EFCAB13: variants seen among roughly 807,000 people sequenced by gnomAD.
The protein encoded by EFCAB13 is EF-hand calcium-binding domain-containing protein 13.
In EFCAB13, 91 loss-of-function variants were observed where a neutral mutation model predicts 110.2. That is an observed-to-expected ratio of 0.83 (90% confidence interval 0.70 to 0.98). The LOEUF (loss-of-function observed/expected upper bound fraction) is 0.98, where lower values mean the gene tolerates loss of function less well. Among genes scored for constraint, EFCAB13 ranks in the 50% least tolerant of loss-of-function variants. The probability of loss-of-function intolerance (pLI) is 0.00; values close to 1 mark genes in which losing one functional copy is unlikely to be tolerated. For missense variants in EFCAB13, 968 were observed against 1,119.4 expected, an observed-to-expected ratio of 0.86 and a Z score of 1.93; for synonymous variants, 323 against 369.9, an observed-to-expected ratio of 0.87 and a Z score of 1.45.
intron 7 of EFCAB13, 101 bp from the exon 8 acceptor site, chr17:47,344,915 G>T: frequency 1.2e-6 from 1 of 847,908 alleles, no homozygotes; most frequent in South Asian, 1.5e-5. Flanking sequence ...CTTCAAGAAA[G>T]GTTCTTATGA....
rs975469722 is a variant in EFCAB13, at chr17:47,380,875, T to C, written c.1582+1622T>C. Among the ~76,000 whole-genome samples the C allele has an allele frequency of 3.3e-4, 48 of 147,144 alleles. No individual in the cohort carries two copies. The Admixed American group carries it at 3.3e-3, about 10-fold the overall frequency. On this transcript the variant is annotated intron_variant, in intron 14 of 24. Coordinates refer to ENST00000331493, the MANE Select transcript of EFCAB13 (RefSeq NM_152347.5). The stretch of plus-strand genomic sequence containing the variant: ...CATCTTTGTTGGCCGCATAAATTGC[T>C]TCTTCTTTTTTTTTTTTTTTTTTTT...
intron 20 of EFCAB13, among the ~76,000 whole-genome samples, chr17:47,409,151 G>A (rs2065820643): frequency 1.3e-5 from 2 of 152,094 alleles, no homozygotes; most frequent in African/African-American, 2.4e-5. Context: ...TTGTTCCTCA[G>A]ATCTCTACAC....
intron 20 of EFCAB13, among the ~76,000 whole-genome samples, chr17:47,407,153 G>T (rs1180734190): frequency 6.6e-6 from 1 of 152,084 alleles, no homozygotes; most frequent in South Asian, 2.1e-4. Context: ...AGGAATGAAG[G>T]GGACTTTACT....
intron 17 of EFCAB13, among the ~76,000 whole-genome samples, chr17:47,398,402 G>A (rs1211118134): frequency 8.1e-5 from 12 of 147,670 alleles, no homozygotes; most frequent in Admixed American, 1.3e-4. Context: ...TGACAATGGC[G>A]GTTTTGTGGA....
chr17:47,338,312 T>C (rs2065363285), intron 5 of EFCAB13, among the ~76,000 whole-genome samples: 1 of 151,248 alleles, frequency 6.6e-6, no homozygotes, highest in African/African-American at 2.4e-5. Flanking sequence ...TGCAGTGGCA[T>C]GATCGTAGCT....
chr17:47,389,140 C>T (rs969012018), intron 14 of EFCAB13, among the ~76,000 whole-genome samples: 7 of 152,154 alleles, frequency 4.6e-5, no homozygotes, highest in African/African-American at 7.2e-5. Context: ...TCAAATAATC[C>T]TTCCACCTCA....
intron 10 of EFCAB13, among the ~76,000 whole-genome samples, chr17:47,370,220 A>T (rs1233374337): frequency 6.6e-6 from 1 of 152,146 alleles, no homozygotes; most frequent in African/African-American, 2.4e-5. Flanking sequence ...TTTGATGAAA[A>T]ACTCTTTTAT....
intron 3 of EFCAB13, among the ~76,000 whole-genome samples, chr17:47,326,671 A>G (rs1324900495): frequency 6.6e-6 from 1 of 151,862 alleles, no homozygotes; most frequent in African/African-American, 2.4e-5. Context: ...TGAAGGCAGT[A>G]AGTGCTATGC....
chr17:47,393,453 A>G (rs896772403), intron 15 of EFCAB13, among the ~76,000 whole-genome samples: 5 of 152,314 alleles, frequency 3.3e-5, no homozygotes, highest in African/African-American at 1.2e-4. Context: ...TCTTAATGGC[A>G]AAAAAGGAGA....
rs368002669 is a variant in EFCAB13, at chr17:47,414,871, G to T, written c.2446G>T (p.Asp816Tyr). ...AGATAATATGGAGGTGGATTTAAAA[G>T]ATTTCTTAATGAAAATGAAAGAAAG... ...VSDNMEVDLK[D>Y]FLMKMKESPH... is the part of the protein sequence containing the mutation. Residue 816 changes from aspartate (D) to tyrosine (Y), a missense_variant, in exon 23 of 25, where the codon GAT (aspartate) becomes TAT (tyrosine). Asp to Tyr is a radical substitution (Grantham distance 160, BLOSUM62 -3). Coordinates refer to ENST00000331493, the MANE Select transcript of EFCAB13 (RefSeq NM_152347.5). 2.2e-5 allele frequency: 35 copies of T among 1,607,378 alleles called. No individual in the cohort carries two copies. The African/African-American group carries it at 3.6e-4, about 17-fold the overall frequency.
In EFCAB13 at chr17:47,412,803, A is replaced by G; in HGVS notation, c.2309A>G (p.His770Arg). Residue 770 changes from histidine to arginine, a missense_variant, in exon 22 of 25, where the codon CAT becomes CGT. Physicochemically the swap from His to Arg is conservative, Grantham distance 29. Coordinates refer to ENST00000331493, the MANE Select transcript of EFCAB13 (RefSeq NM_152347.5). ...EIKEAANILSHVDNGKIGIPD... is the reference protein window; with the variant it reads ...EIKEAANILSRVDNGKIGIPD... ...AAAGAAGCTGCTAACATCTTGTCAC[A>G]TGTCGATAATGGCAAGATTGGTATA... 6 of 1,613,692 alleles carry G rather than the reference A, an allele frequency of 3.7e-6. No individual in the cohort carries two copies. Among genetic ancestry groups the G allele is most frequent in the Non-Finnish European group, 5.1e-6 (6 of 1,179,804 alleles).
rs536593341 is a variant in EFCAB13, at chr17:47,374,934, C to T, written c.1340C>T (p.Ser447Leu). 30 of 1,583,794 alleles carry T rather than the reference C, an allele frequency of 1.9e-5. No individual in the cohort carries two copies. In the African/African-American group the frequency reaches 2.1e-4, roughly 11 times the overall value. The change falls in exon 12 of 25, where the codon TCG becomes TTG. Residue 447 changes from serine to leucine, a missense_variant. By Grantham distance (145) the Ser-to-Leu change is moderately radical (BLOSUM62 -2). Coordinates refer to ENST00000331493, the MANE Select transcript of EFCAB13 (RefSeq NM_152347.5). ...RKHSSLQKQV[S>L]STEKTAISTL... Reference sequence around the variant, plus strand: ...CATTCCAGTCTCCAAAAACAGGTTTCGTCTACGGAAAAAACTGCAATTAGT... The same window carrying T: ...CATTCCAGTCTCCAAAAACAGGTTTTGTCTACGGAAAAAACTGCAATTAGT...
chr17:47,381,388 T>C (rs1302737315), intron 14 of EFCAB13, among the ~76,000 whole-genome samples: 4 of 152,218 alleles, frequency 2.6e-5, no homozygotes, highest in Non-Finnish European at 5.9e-5. Context: ...TGGCTTTTGT[T>C]GCCATTGCTT....
chr17:47,385,703 A>G (rs1264260341), intron 14 of EFCAB13, among the ~76,000 whole-genome samples: 2 of 152,064 alleles, frequency 1.3e-5, no homozygotes, highest in Admixed American at 6.6e-5. Flanking sequence ...AGGAGTTGCA[A>G]TCATTTGGAG....
At chr17:47,413,518 AC>A (rs1904324681) in intron 22 of EFCAB13, among the ~76,000 whole-genome samples, 4 of 152,110 alleles carry the variant, frequency 2.6e-5, no homozygotes, top group Admixed American at 2.6e-4. Context: ...GCTTATCTTA[AC>A]CAATTTGTGT....
chr17:47,382,550 A>C (rs1234000679), intron 14 of EFCAB13, among the ~76,000 whole-genome samples: 2 of 152,160 alleles, frequency 1.3e-5, no homozygotes. Flanking sequence ...TAGTTTATTG[A>C]GAGTTTTTAG....
intron 21 of EFCAB13, 145 bp downstream of exon 21, chr17:47,409,836 A>G (rs1163595066): frequency 4.9e-6 from 3 of 611,482 alleles, no homozygotes; most frequent in Non-Finnish European, 8.8e-6. Flanking sequence ...TGATCATGTT[A>G]CCTCCCCCTA....
chr17:47,410,218 A>G (rs1398287401), intron 21 of EFCAB13, among the ~76,000 whole-genome samples: 1 of 152,208 alleles, frequency 6.6e-6, no homozygotes. Flanking sequence ...GTGTCATACT[A>G]TGGCAGAAGG....
chr17:47,428,142 T>C (rs1905023998), intron 23 of EFCAB13, among the ~76,000 whole-genome samples: 1 of 151,988 alleles, frequency 6.6e-6, no homozygotes, highest in African/African-American at 2.4e-5. Context: ...ATTTTTGAAA[T>C]CATAATAAAA....
Sources: allele counts gnomAD v4.1 joint callset (sites outside exome capture counted in the v4.1 genomes callset), GRCh38; gene constraint gnomAD v4.1.1; transcripts MANE v1.5; gene names NCBI Gene and HGNC (gene_info 2026-07-23, HGNC 2026-07-21).